KIAA1217: variants seen among roughly 807,000 people sequenced by gnomAD.
The protein encoded by KIAA1217 is KIAA1217, also known as sickle tail protein homolog.
Under a neutral mutation model 163.9 loss-of-function variants are expected in KIAA1217, and 88 were observed. The ratio of observed to expected loss-of-function variants is 0.54; its 90% CI spans 0.45 to 0.64. The LOEUF is 0.64. Among genes scored for constraint, KIAA1217 ranks in the 30% least tolerant of loss-of-function variants. The pLI is 0.00. For missense variants in KIAA1217, 2,372 were observed against 2,475.0 expected (o/e 0.96, Z 0.88); for synonymous variants, 903 against 923.1 (o/e 0.98, Z 0.39).
chr10:24,199,677 G>A (rs2067157328), intron 2 of KIAA1217, among the ~76,000 whole-genome samples: 1 of 152,152 alleles, frequency 6.6e-6, no homozygotes, highest in Non-Finnish European at 1.5e-5. Flanking sequence ...GAAAAGATAA[G>A]ACAAAGCTGT....
intron 1 of KIAA1217, among the ~76,000 whole-genome samples, chr10:23,709,169 C>T: frequency 6.6e-6 from 1 of 152,130 alleles, no homozygotes; most frequent in Admixed American, 6.5e-5. Context: ...CCACTTGACA[C>T]TTTGGATATC....
chr10:23,954,581 G>A (rs1844476623), intron 1 of KIAA1217, among the ~76,000 whole-genome samples: 1 of 150,652 alleles, frequency 6.6e-6, no homozygotes, highest in Non-Finnish European at 1.5e-5. Context: ...ATGAAGGAAA[G>A]AAGGGAAGGG....
chr10:24,347,619 A>T (rs2047952841), intron 2 of KIAA1217, among the ~76,000 whole-genome samples: 1 of 152,048 alleles, frequency 6.6e-6, no homozygotes, highest in African/African-American at 2.4e-5. Context: ...ATAGCTGGGG[A>T]TTACTCTATT....
chr10:24,339,842 C>A (rs1362334941), intron 2 of KIAA1217, among the ~76,000 whole-genome samples: 1 of 152,108 alleles, frequency 6.6e-6, no homozygotes, highest in Admixed American at 6.6e-5. Context: ...CTTTAGTGTC[C>A]CCCCAAAGCC....
chr10:24,315,144 G>A (rs1216021270), intron 2 of KIAA1217, among the ~76,000 whole-genome samples: 2 of 152,064 alleles, frequency 1.3e-5, no homozygotes, highest in African/African-American at 2.4e-5. Context: ...TAATACATAG[G>A]AAGCTTCCAA....
chr10:23,786,198 C>G (rs1241395606), intron 1 of KIAA1217, among the ~76,000 whole-genome samples: 5 of 151,990 alleles, frequency 3.3e-5, no homozygotes, highest in Admixed American at 2.6e-4. Context: ...AAAATTCCAT[C>G]TAGCTGAAAG....
At chr10:24,064,448 G>A (rs1040694563) in intron 2 of KIAA1217, among the ~76,000 whole-genome samples, 19 of 152,134 alleles carry the variant, frequency 1.2e-4, no homozygotes, top group Non-Finnish European at 2.6e-4. Flanking sequence ...TACGTTTATT[G>A]ATTTGCATAT....
At chr10:23,975,935 G>A (rs1436019257) in intron 1 of KIAA1217, among the ~76,000 whole-genome samples, 4 of 152,018 alleles carry the variant, frequency 2.6e-5, no homozygotes, top group Non-Finnish European at 5.9e-5. Context: ...GACCTGTCAG[G>A]GCTGGCCATT....
chr10:24,330,560 G>C (rs1355149192), intron 2 of KIAA1217, among the ~76,000 whole-genome samples: 1 of 152,060 alleles, frequency 6.6e-6, no homozygotes, highest in Non-Finnish European at 1.5e-5. Context: ...AGGTATCAGG[G>C]GTCTTGCTGC....
chr10:24,108,145 T>G (rs2062703265), intron 2 of KIAA1217, among the ~76,000 whole-genome samples: 1 of 152,188 alleles, frequency 6.6e-6, no homozygotes, highest in South Asian at 2.1e-4. Context: ...GGCTATTTTA[T>G]TTTATATACT....
At chr10:24,304,621 A>C (rs1298358213) in intron 2 of KIAA1217, among the ~76,000 whole-genome samples, 1 of 152,130 alleles carries the variant, frequency 6.6e-6, no homozygotes, top group African/African-American at 2.4e-5. Context: ...GGCATGAGCC[A>C]CCAGACCTGA....
Position 24,076,076 on chromosome 10 carries a change from A to G in KIAA1217, c.-171+68702A>G, listed in dbSNP as rs539763978. On this transcript the variant is annotated intron_variant, in intron 2 of 18. Transcript: ENST00000376462. ...TCACTTGGGGGGAGTAGGGCCTCTG[A>G]GGGCCTGATGAACAACCTGTGGGAC... Among the ~76,000 whole-genome samples the G allele has an allele frequency of 2.0e-5, 3 of 152,186 alleles. No individual in the cohort carries two copies. The East Asian group carries it at 5.8e-4, about 29-fold the overall frequency.
chr10:23,773,071 C>G (rs1003567386), intron 1 of KIAA1217, among the ~76,000 whole-genome samples: 2 of 151,796 alleles, frequency 1.3e-5, no homozygotes, highest in Admixed American at 1.3e-4. Flanking sequence ...TTTAGAAATT[C>G]AATAATAAGA....
intron 1 of KIAA1217, among the ~76,000 whole-genome samples, chr10:23,836,662 T>C (rs1216563873): frequency 6.6e-6 from 1 of 151,946 alleles, no homozygotes; most frequent in Non-Finnish European, 1.5e-5. Context: ...CAGTTGCTCA[T>C]GCCTGTAATC....
At chr10:24,160,741 A>T (rs1399269697) in intron 2 of KIAA1217, among the ~76,000 whole-genome samples, 6 of 152,220 alleles carry the variant, frequency 3.9e-5, no homozygotes, top group Non-Finnish European at 7.3e-5. Context: ...CTTTTGCAAA[A>T]GCAGCTGAAT....
intron 2 of KIAA1217, among the ~76,000 whole-genome samples, chr10:24,184,630 AC>A (rs1484023737): frequency 6.6e-6 from 1 of 152,208 alleles, no homozygotes; most frequent in African/African-American, 2.4e-5. Context: ...CTCCCAATGC[AC>A]TGATTGCTGT....
chr10:24,096,248 A>G (rs1157248362), intron 2 of KIAA1217, among the ~76,000 whole-genome samples: 1 of 151,906 alleles, frequency 6.6e-6, no homozygotes, highest in Non-Finnish European at 1.5e-5. Context: ...ATTATCCTTA[A>G]TCTCCCTCTT....
At chr10:24,410,642 T>A (rs1405235546) in intron 3 of KIAA1217, among the ~76,000 whole-genome samples, 1 of 152,230 alleles carries the variant, frequency 6.6e-6, no homozygotes, top group Non-Finnish European at 1.5e-5. Context: ...CTCTTAAATT[T>A]AGTGAAAATC....
chr10:24,398,450 CA>C (rs1564612507), intron 3 of KIAA1217, among the ~76,000 whole-genome samples: 1 of 152,104 alleles, frequency 6.6e-6, no homozygotes, highest in Non-Finnish European at 1.5e-5. Flanking sequence ...GCAGCAATCT[CA>C]ATTCTTGCCT....
Sources: gnomAD v4.1 joint callset for allele counts (sites outside exome capture counted in the v4.1 genomes callset) on GRCh38, gnomAD v4.1.1 for gene constraint, MANE v1.5 for transcripts, NCBI Gene and HGNC (gene_info 2026-07-23, HGNC 2026-07-21) for gene names.